PCDHGA8: variants seen among roughly 807,000 people sequenced by gnomAD.
PCDHGA8 encodes the protein protocadherin gamma-A8.
A neutral mutation model predicts 59.2 loss-of-function variants in PCDHGA8; 45 were observed. The ratio of observed to expected loss-of-function variants is 0.76; its 90% CI spans 0.60 to 0.98. The LOEUF (loss-of-function observed/expected upper bound fraction) is 0.98, where lower values mean the gene tolerates loss of function less well. Ranked by LOEUF, PCDHGA8 falls within the 50% of genes least tolerant of loss-of-function variation. PCDHGA8 has a pLI of 0.00. For missense variants in PCDHGA8, 1,257 were observed against 1,196.2 expected (o/e 1.05, Z -0.75); for synonymous variants, 531 against 519.0 (o/e 1.02, Z -0.32).
Position 141,429,441 on chromosome 5 carries a change from T to C in PCDHGA8, c.2424+34204T>C, listed in dbSNP as rs541676798. On this transcript the variant is annotated intron_variant, in intron 1 of 3. Transcript: ENST00000398604. ...TGTTGCCCAGGCTGGACTCAAACTCTTGGGCTACAGTAATCCTCCCACCTC... is the reference window on the plus strand; with the variant it reads ...TGTTGCCCAGGCTGGACTCAAACTCCTGGGCTACAGTAATCCTCCCACCTC... 1.5e-4 allele frequency among the ~76,000 whole-genome samples: 23 copies of C among 152,170 alleles called. No individual in the cohort carries two copies. The South Asian group carries it at 4.6e-3, about 30-fold the overall frequency.
chr5:141,431,435 GC>G lies in PCDHGA8; in HGVS notation c.2424+36199del. On this transcript the variant is annotated intron_variant, in intron 1 of 3. Coordinates refer to ENST00000398604, the MANE Select transcript of PCDHGA8 (RefSeq NM_032088.2). The surrounding 1 kb of genome is among the most constrained non-coding windows in gnomAD (Gnocchi z 4.8). The stretch of plus-strand genomic sequence containing the variant: ...GGGCGACCCGGTGCGCACAGGCACC[GC>G]GCGCATCCGCGTGATGGTTCTGGAT... 1.9e-6 allele frequency: 3 copies of G among 1,613,668 alleles called. No individual in the cohort carries two copies. The highest frequency in any genetic ancestry group is 2.5e-6 in the Non-Finnish European group (3 of 1,180,026).
chr5:141,417,900 G>C, intron 1 of PCDHGA8: 2 of 1,583,452 alleles, frequency 1.3e-6, no homozygotes, highest in Non-Finnish European at 1.7e-6. Context: ...GCCGGCCCGC[G>C]GCAGGTACTA....
chr5:141,497,032 T>C (rs1206131945), intron 2 of PCDHGA8, among the ~76,000 whole-genome samples: 1 of 151,652 alleles, frequency 6.6e-6, no homozygotes, highest in East Asian at 1.9e-4. Flanking sequence ...CGATTAAAAA[T>C]ACAAAAATTA....
chr5:141,422,472 G>T, intron 1 of PCDHGA8: 2 of 1,613,680 alleles, frequency 1.2e-6, no homozygotes, highest in Non-Finnish European at 1.7e-6. Flanking sequence ...ACAGGGAGTT[G>T]GTCCAGAGCT....
intron 1 of PCDHGA8, chr5:141,405,207 C>A (rs767001796): frequency 6.2e-7 from 1 of 1,613,292 alleles, no homozygotes; most frequent in Non-Finnish European, 8.5e-7. Flanking sequence ...TTCCTACAGA[C>A]CTATTCTCAG....
At chr5:141,413,148 C>G (rs370253778) in intron 1 of PCDHGA8, 10 of 1,570,530 alleles carry the variant, frequency 6.4e-6, no homozygotes, top group Middle Eastern at 1.7e-4. Flanking sequence ...CCAGTGAGGA[C>G]TTTGCAGAAT....
Position 141,432,236 on chromosome 5 carries a change from G to A in PCDHGA8, c.2424+36999G>A, listed in dbSNP as rs752735346. On this transcript the variant is annotated intron_variant, in intron 1 of 3. Coordinates refer to ENST00000398604, the MANE Select transcript of PCDHGA8 (RefSeq NM_032088.2). This position sits in a 1 kb window ranked among gnomAD's most constrained non-coding sequence, Gnocchi z 6.0. ...CGCCCAGATCACTTATTCCCTGGCT[G>A]AGAACACCATCCAAGGGGCAAGCCT... is the stretch of plus-strand genomic sequence containing the variant. The A allele has an allele frequency of 8.7e-6, 14 of 1,614,130 alleles. No individual in the cohort carries two copies. The African/African-American group carries it at 9.3e-5, about 11-fold the overall frequency.
chr5:141,460,834 A>G (rs757757290), intron 1 of PCDHGA8, among the ~76,000 whole-genome samples: 11 of 151,874 alleles, frequency 7.2e-5, no homozygotes, highest in Non-Finnish European at 1.3e-4. Context: ...CACTTAAAGT[A>G]ATGGCCTCCA....
intron 1 of PCDHGA8, chr5:141,412,443 T>C (rs1479281650): frequency 6.6e-6 from 1 of 152,204 alleles, no homozygotes; most frequent in Non-Finnish European, 1.5e-5. Context: ...TAATTAAGGC[T>C]CAGTAAAACT....
chr5:141,464,823 C>T (rs890811354), intron 1 of PCDHGA8, among the ~76,000 whole-genome samples: 5 of 151,986 alleles, frequency 3.3e-5, no homozygotes, highest in African/African-American at 1.2e-4. Flanking sequence ...ACTGTAGCCT[C>T]GCACTCCTGG....
intron 3 of PCDHGA8, among the ~76,000 whole-genome samples, chr5:141,506,349 T>A (rs894933059): frequency 8.0e-5 from 12 of 150,304 alleles, no homozygotes; most frequent in Admixed American, 2.7e-4. Context: ...CTTGGGAGGC[T>A]GAGGCAGGAG....
In PCDHGA8 at chr5:141,399,219, G is replaced by A. The variant is rs775267424; in HGVS notation, c.2424+3982G>A. The A allele has an allele frequency of 2.5e-6, 4 of 1,613,924 alleles. No homozygotes were observed. The South Asian group carries it at 3.3e-5, about 13-fold the overall frequency. On this transcript the variant is annotated intron_variant, in intron 1 of 3. Coordinates refer to ENST00000398604, the MANE Select transcript of PCDHGA8 (RefSeq NM_032088.2). Reference sequence around the variant, plus strand: ...CGGTGCCTGGAACACTAATTGCTTTGATCAAAATACATGACCAAGATTCTG... The same window carrying A: ...CGGTGCCTGGAACACTAATTGCTTTAATCAAAATACATGACCAAGATTCTG...
At chr5:141,438,585 TAC>T (rs1561889967) in intron 1 of PCDHGA8, among the ~76,000 whole-genome samples, 141 of 61,160 alleles carry the variant, frequency 2.3e-3, no homozygotes, top group South Asian at 4.3e-3. Flanking sequence ...CATACATACA[TAC>T]ATACATATAT....
chr5:141,432,887 T>A lies in PCDHGA8; in HGVS notation c.2424+37650T>A, dbSNP rs146168033. On this transcript the variant is annotated intron_variant, in intron 1 of 3. Coordinates refer to ENST00000398604, the MANE Select transcript of PCDHGA8 (RefSeq NM_032088.2). The surrounding 1 kb of genome is among the most constrained non-coding windows in gnomAD (Gnocchi z 6.0). ...CTGCGTCTTCCTGGCCTTCGTCATC[T>A]TGCTGCTGGCGCTCAGGCTGCGGCG... 1.2e-6 allele frequency: 2 copies of A among 1,614,056 alleles called. No homozygotes were observed. Among genetic ancestry groups the A allele is most frequent in the Non-Finnish European group, 1.7e-6 (2 of 1,179,998 alleles).
In PCDHGA8 at chr5:141,422,435, A is replaced by G. The variant is rs199795822; in HGVS notation, c.2424+27198A>G. 7.8e-4 allele frequency: 1,254 copies of G among 1,609,700 alleles called. 7 individuals are homozygous for G. The highest frequency in any genetic ancestry group is 2.1e-3 in the South Asian group (193 of 90,090). Reference sequence around the variant, plus strand: ...TTAGAAAAGACTTATGGAAATTATTACAAATTGATAACAAGCAGAGTGCTG... The same window carrying G: ...TTAGAAAAGACTTATGGAAATTATTGCAAATTGATAACAAGCAGAGTGCTG... On this transcript the variant is annotated intron_variant, in intron 1 of 3. Transcript: ENST00000398604.
At chr5:141,403,740 C>T in intron 1 of PCDHGA8, 1 of 1,613,920 alleles carries the variant, frequency 6.2e-7, no homozygotes, top group Non-Finnish European at 8.5e-7. Flanking sequence ...TGGCTGCTTA[C>T]TGCAACAGCC....
At chr5:141,418,433 C>G (rs761824602) in intron 1 of PCDHGA8, 44 of 1,613,938 alleles carry the variant, frequency 2.7e-5, no homozygotes, top group Non-Finnish European at 3.7e-5. Flanking sequence ...TGGCAAATAT[C>G]CAGAATTAGT....
rs746242389 is a variant in PCDHGA8 at position 141,491,254 on chromosome 5, G to C, written c.2425-3553G>C. 3 of 1,614,080 alleles carry C rather than the reference G, an allele frequency of 1.9e-6. No individual in the cohort carries two copies. In the African/African-American group the frequency reaches 4.0e-5, roughly 22 times the overall value. On this transcript the variant is annotated intron_variant, in intron 1 of 3. Transcript: ENST00000398604. This position sits in a 1 kb window ranked among gnomAD's most constrained non-coding sequence, Gnocchi z 6.9. ...GCTGGTTCTGGAGGATGAGGACCCT[G>C]AGGAAATGCCCAAATCCAGTGACTT...
intron 1 of PCDHGA8, chr5:141,413,675 G>C (rs773300658): frequency 6.2e-7 from 1 of 1,613,826 alleles, no homozygotes; most frequent in Non-Finnish European, 8.5e-7. Context: ...CCGGATGTGG[G>C]CGTGAACTCC....
Sources: gnomAD v4.1 joint callset for allele counts (sites outside exome capture counted in the v4.1 genomes callset) on GRCh38, gnomAD v4.1.1 for gene constraint, Gnocchi (gnomAD v3.1) non-coding constraint, MANE v1.5 for transcripts, NCBI Gene and HGNC (gene_info 2026-07-23, HGNC 2026-07-21) for gene names.